The following KLHDC2 variants were observed in gnomAD, a reference collection of about 807,000 sequenced individuals.
KLHDC2 encodes the protein kelch domain containing 2.
Under a neutral mutation model 62.3 loss-of-function variants are expected in KLHDC2, and 38 were observed. The ratio of observed to expected loss-of-function variants is 0.61; its 90% CI spans 0.47 to 0.80. The LOEUF (loss-of-function observed/expected upper bound fraction) is 0.80, where lower values mean the gene tolerates loss of function less well. Among genes scored for constraint, KLHDC2 ranks in the 30% least tolerant of loss-of-function variants. The probability of loss-of-function intolerance (pLI) is 0.00; values close to 1 mark genes in which losing one functional copy is unlikely to be tolerated. For synonymous variants in KLHDC2, 159 were observed against 161.0 expected (o/e 0.99, Z 0.09); for missense variants, 430 against 495.3 (o/e 0.87, Z 1.25).
rs1889630094 is a variant in KLHDC2, at chr14:49,770,042, C to T, written c.153+1421C>T. On this transcript the variant is annotated intron_variant, in intron 1 of 12. Coordinates refer to ENST00000298307, the MANE Select transcript of KLHDC2 (RefSeq NM_014315.3). ...TGTAAATTAATTCCCCTGGAGAAAC[C>T]TGTCAATGACACTTCTAAGCTACCT... Among the ~76,000 whole-genome samples, 4 of 152,148 alleles carry T rather than the reference C, an allele frequency of 2.6e-5. No homozygotes were observed. The South Asian group carries it at 6.2e-4, about 24-fold the overall frequency.
chr14:49,776,575 A>G (rs2139795939), intron 3 of KLHDC2, among the ~76,000 whole-genome samples: 1 of 152,318 alleles, frequency 6.6e-6, no homozygotes, highest in South Asian at 2.1e-4. Flanking sequence ...ATTTAAAGGT[A>G]AAATTACTAA....
At chr14:49,769,412 T>A (rs1305257824) in intron 1 of KLHDC2, among the ~76,000 whole-genome samples, 1 of 152,184 alleles carries the variant, frequency 6.6e-6, no homozygotes, top group Non-Finnish European at 1.5e-5. Flanking sequence ...AAAATTCCTC[T>A]TTGGTCTTGA....
intron 9 of KLHDC2, 39 bp from the exon 10 acceptor site, chr14:49,780,664 T>C (rs368361331): frequency 5.4e-5 from 71 of 1,321,066 alleles, no homozygotes; most frequent in Non-Finnish European, 7.3e-5. Flanking sequence ...CAATGTCATA[T>C]TGACAGACTA....
At chr14:49,768,747 C>G (rs1163017304) in intron 1 of KLHDC2, 126 bp downstream of exon 1, 53 of 838,682 alleles carry the variant, frequency 6.3e-5, no homozygotes, top group African/African-American at 5.5e-4. Context: ...CGCCCCACCT[C>G]AGACTCTGCC....
chr14:49,784,707 C>G lies in KLHDC2; in HGVS notation c.*1754C>G. On this transcript the variant is annotated 3_prime_UTR_variant, in exon 13 of 13. Transcript: ENST00000298307. ...TTGCCAGGAATGTTTCTTGATAAAT[C>G]TGTGTCCTAAAAAAAGAAAATTGCT... 1 of 1,612,410 alleles carries G rather than the reference C, an allele frequency of 6.2e-7. No individual in the cohort carries two copies. Among genetic ancestry groups the G allele is most frequent in the South Asian group, 1.1e-5 (1 of 90,796 alleles).
Position 49,768,380 on chromosome 14 carries a change from G to C in KLHDC2, c.-89G>C, listed in dbSNP as rs1286742957. Reference sequence around the variant, plus strand: ...TTCGCCACCGCCTTTTCCTTGCCTCGCGCCGCTGTGCATTTCTCTCCTTTT... The same window carrying C: ...TTCGCCACCGCCTTTTCCTTGCCTCCCGCCGCTGTGCATTTCTCTCCTTTT... On this transcript the variant is annotated 5_prime_UTR_variant, in exon 1 of 13. Coordinates refer to ENST00000298307, the MANE Select transcript of KLHDC2 (RefSeq NM_014315.3). 2.1e-6 allele frequency: 3 copies of C among 1,411,212 alleles called. No homozygotes were observed. In the East Asian group the frequency reaches 8.0e-5, roughly 38 times the overall value. The allele number at this position is 1,411,212 out of a possible 1,614,324, so 87.4% of individuals were successfully genotyped here. A position where few individuals can be genotyped will look rare whatever the true frequency, so the allele number is the denominator to read the frequency against.
At position 49,777,806 on chromosome 14, in the gene KLHDC2, A is replaced by G. The variant is rs1315412360; in HGVS notation, c.352-33A>G. 7.6e-6 allele frequency: 9 copies of G among 1,181,806 alleles called. No homozygotes were observed. The South Asian group carries it at 1.3e-4, about 17-fold the overall frequency. 73.2% of individuals were successfully genotyped at this position (1,181,806 alleles called of 1,614,324 possible). A position where few individuals can be genotyped will look rare whatever the true frequency, so the allele number is the denominator to read the frequency against. On this transcript the variant is annotated intron_variant, in intron 3 of 12. Coordinates refer to ENST00000298307, the MANE Select transcript of KLHDC2 (RefSeq NM_014315.3). Reference sequence around the variant, plus strand: ...GCTAAACTTGAATTTCTTTCATAAAACCAACTCTAACTGAAATCATTGCTT... The same window carrying G: ...GCTAAACTTGAATTTCTTTCATAAAGCCAACTCTAACTGAAATCATTGCTT...
rs910451770 is a variant in KLHDC2 at position 49,784,941 on chromosome 14, A to G, written c.*1988A>G. On this transcript the variant is annotated 3_prime_UTR_variant, in exon 13 of 13. Transcript: ENST00000298307. Reference sequence around the variant, plus strand: ...GAACTTTACCTTTACGCTGCGGAATAAGTCTTTTTCTCTTGCTGTTGCTTC... The same window carrying G: ...GAACTTTACCTTTACGCTGCGGAATGAGTCTTTTTCTCTTGCTGTTGCTTC... 3 of 1,613,730 alleles carry G rather than the reference A, an allele frequency of 1.9e-6. No individual in the cohort carries two copies. Among genetic ancestry groups the G allele is most frequent in the Non-Finnish European group, 2.5e-6 (3 of 1,179,742 alleles).
At chr14:49,775,828 C>T (rs191948463) in intron 3 of KLHDC2, among the ~76,000 whole-genome samples, 70 of 152,010 alleles carry the variant, frequency 4.6e-4, no homozygotes, top group African/African-American at 1.4e-3. Flanking sequence ...GGTTTCGCCA[C>T]GTTGGCCAGG....
chr14:49,785,169 A>G lies in KLHDC2; in HGVS notation c.*2216A>G, dbSNP rs375408868. On this transcript the variant is annotated 3_prime_UTR_variant, in exon 13 of 13. Coordinates refer to ENST00000298307, the MANE Select transcript of KLHDC2 (RefSeq NM_014315.3). ...AGGAATTACATGTGTTACTAAATAG[A>G]CGTTACAAAACAATTCACAAAAGCC... 5.6e-6 allele frequency: 9 copies of G among 1,599,972 alleles called. No individual in the cohort carries two copies. Among genetic ancestry groups the G allele is most frequent in the African/African-American group, 4.0e-5 (3 of 74,584 alleles).
chr14:49,772,973 AAC>A (rs1889694173), intron 2 of KLHDC2, among the ~76,000 whole-genome samples: 1 of 152,176 alleles, frequency 6.6e-6, no homozygotes. Flanking sequence ...AAAAACATTT[AAC>A]AGTTACAAAC....
At chr14:49,775,657 C>T (rs537402106) in intron 3 of KLHDC2, among the ~76,000 whole-genome samples, 17 of 133,472 alleles carry the variant, frequency 1.3e-4, no homozygotes, top group South Asian at 4.9e-4. Context: ...GACAGAGTCT[C>T]GCTCTGTCGC....
At position 49,782,932 on chromosome 14, in the gene KLHDC2, TAAC is replaced by T; in HGVS notation, c.1205_1207del (p.Asn402del). 1.2e-6 allele frequency: 2 copies of T among 1,613,366 alleles called. No homozygotes were observed. Among genetic ancestry groups the T allele is most frequent in the Non-Finnish European group, 1.7e-6 (2 of 1,179,658 alleles). ...ACAGTGTTAATCAGAGGTTTGGTAG[TAAC>T]AACACTTCTGGATCTTAAGGCTTCA... On this transcript the variant is annotated inframe_deletion, in exon 13 of 13. Coordinates refer to ENST00000298307, the MANE Select transcript of KLHDC2 (RefSeq NM_014315.3).
rs200390174 is a variant in KLHDC2 at position 49,768,446 on chromosome 14, G to A, written c.-23G>A. On this transcript the variant is annotated 5_prime_UTR_variant, in exon 1 of 13. Coordinates refer to ENST00000298307, the MANE Select transcript of KLHDC2 (RefSeq NM_014315.3). ...CCCCTCGCGGGTGTGGGCATTGTTG[G>A]TTAGCAAAAGTGCAGCCTCAAGATG... 1.1e-4 allele frequency: 171 copies of A among 1,604,536 alleles called. 1 individual carries two copies. In the African/African-American group the frequency reaches 1.9e-3, roughly 18 times the overall value.
chr14:49,784,894 TCC>T lies in KLHDC2; in HGVS notation c.*1942_*1943del. On this transcript the variant is annotated 3_prime_UTR_variant, in exon 13 of 13. Transcript: ENST00000298307. The stretch of plus-strand genomic sequence containing the variant: ...AACATTTTAAATTGTACTGTCAGTC[TCC>T]ACATTCCTTTTCTGAAGGAGAACTT... 6 of 1,568,798 alleles carry T rather than the reference TCC, an allele frequency of 3.8e-6. No homozygotes were observed. The highest frequency in any genetic ancestry group is 4.4e-6 in the Non-Finnish European group (5 of 1,140,886).
In KLHDC2 at chr14:49,785,376, T is replaced by G; in HGVS notation, c.*2423T>G. On this transcript the variant is annotated 3_prime_UTR_variant, in exon 13 of 13. Coordinates refer to ENST00000298307, the MANE Select transcript of KLHDC2 (RefSeq NM_014315.3). ...AATTTATACCGCCCTTTACAAAAAA[T>G]GCTAAAACACTTGAATTAGTATCTC... The G allele has an allele frequency of 8.5e-7, 1 of 1,169,896 alleles. No individual in the cohort carries two copies. Among genetic ancestry groups the G allele is most frequent in the Non-Finnish European group, 1.3e-6 (1 of 776,552 alleles). 72.5% of individuals were successfully genotyped at this position (1,169,896 alleles called of 1,614,324 possible).
rs1389709370 is a variant in KLHDC2 at position 49,778,217 on chromosome 14, T to C, written c.507T>C (p.Asp169=). The change falls in exon 5 of 13, where the codon GAT becomes GAC. Residue 169 remains aspartate, a synonymous_variant. Transcript: ENST00000298307. ...FFGGYGYLPE[D]KVLGTFEFDE... is the part of the protein sequence containing the mutation. ...GAGGGTATGGATATTTGCCTGAAGA[T>C]AAAGTATTGGGAACTTTTGAATTCG... is the stretch of plus-strand genomic sequence containing the variant. 1.2e-6 allele frequency: 2 copies of C among 1,609,798 alleles called. No homozygotes were observed. Among genetic ancestry groups the C allele is most frequent in the Admixed American group, 1.7e-5 (1 of 59,304 alleles).
intron 6 of KLHDC2, among the ~76,000 whole-genome samples, chr14:49,779,350 TAA>T (rs985972342): frequency 1.3e-4 from 20 of 152,200 alleles, no homozygotes; most frequent in Non-Finnish European, 1.0e-4. Context: ...GCCTTTATTT[TAA>T]AAGAGAAAAA....
intron 3 of KLHDC2, 24 bp downstream of exon 3, chr14:49,774,702 C>G: frequency 7.4e-7 from 1 of 1,345,720 alleles, no homozygotes; most frequent in South Asian, 1.2e-5. Flanking sequence ...AGGATTATGG[C>G]TTGAGGCATT....
Sources: gnomAD v4.1 joint callset for allele counts (sites outside exome capture counted in the v4.1 genomes callset) on GRCh38, gnomAD v4.1.1 for gene constraint, MANE v1.5 for transcripts, NCBI Gene and HGNC (gene_info 2026-07-23, HGNC 2026-07-21) for gene names.